Variants in HIF3A observed in about 807,000 individuals in gnomAD.
HIF3A encodes the protein hypoxia-inducible factor 3-alpha.
Under a neutral mutation model 67.2 loss-of-function variants are expected in HIF3A, and 41 were observed. That is an observed-to-expected ratio of 0.61 (90% CI 0.48 to 0.79). HIF3A has a LOEUF of 0.79. HIF3A is among the 30% of genes least tolerant of loss of function. The probability of loss-of-function intolerance (pLI) is 0.00; values close to 1 mark genes in which losing one functional copy is unlikely to be tolerated. For missense variants in HIF3A, 855 were observed against 898.0 expected, an observed-to-expected ratio of 0.95 and a Z score of 0.61; for synonymous variants, 356 against 374.8, an observed-to-expected ratio of 0.95 and a Z score of 0.58.
intron 6 of HIF3A, among the ~76,000 whole-genome samples, chr19:46,311,501 G>T (rs999832697): frequency 7.2e-5 from 11 of 152,158 alleles, no homozygotes; most frequent in African/African-American, 2.2e-4. Context: ...CTCCAGGAAA[G>T]AATCTGTTTC....
At chr19:46,337,254 T>G (rs1297042485) in intron 14 of HIF3A, among the ~76,000 whole-genome samples, 4 of 151,580 alleles carry the variant, frequency 2.6e-5, no homozygotes, top group Admixed American at 2.6e-4. Context: ...CTATCTTTTT[T>G]GGGGTGTGGG....
chr19:46,303,740 A>G, intron 1 of HIF3A, 158 bp from the exon 2 acceptor site: 1 of 1,531,744 alleles, frequency 6.5e-7, no homozygotes, highest in Non-Finnish European at 8.9e-7. Context: ...AGGCCCAGGG[A>G]GCGCCGCGAA....
chr19:46,331,382 T>C (rs1210322125), intron 13 of HIF3A, 109 bp downstream of exon 13: 3 of 829,966 alleles, frequency 3.6e-6, no homozygotes, highest in East Asian at 5.1e-5. Context: ...TTGAGGGTCA[T>C]ACAGAAAGTC....
intron 9 of HIF3A, among the ~76,000 whole-genome samples, chr19:46,321,183 T>A (rs1970331855): frequency 6.6e-6 from 1 of 152,138 alleles, no homozygotes; most frequent in South Asian, 2.1e-4. Context: ...GGCCAGTCTT[T>A]TCTCCTAAGG....
intron 6 of HIF3A, among the ~76,000 whole-genome samples, chr19:46,310,930 T>C (rs1019957143): frequency 3.9e-5 from 6 of 152,158 alleles, no homozygotes; most frequent in Admixed American, 3.3e-4. Context: ...TTTGTATTTT[T>C]AGTAGAGATG....
intron 6 of HIF3A, 140 bp downstream of exon 6, chr19:46,309,499 GTC>G (rs1394099803): frequency 1.3e-5 from 8 of 614,072 alleles, no homozygotes; most frequent in Non-Finnish European, 2.2e-5. Flanking sequence ...GTGCCTGCCT[GTC>G]TCTGAATTTT....
intron 10 of HIF3A, among the ~76,000 whole-genome samples, chr19:46,323,057 GT>G (rs1364341181): frequency 1.6e-4 from 23 of 142,524 alleles, no homozygotes; most frequent in East Asian, 8.3e-4. Context: ...TTTTTTTGTT[GT>G]TTTTTTTTTG....
In HIF3A at chr19:46,331,173, C is replaced by T; in HGVS notation, c.1730C>T (p.Ser577Leu). 1.2e-6 allele frequency: 2 copies of T among 1,613,450 alleles called. No homozygotes were observed. The highest frequency in any genetic ancestry group is 1.7e-6 in the Non-Finnish European group (2 of 1,179,554). The change falls in exon 13 of 15, where the codon TCA becomes TTA. Residue 577 changes from serine to leucine, a missense_variant. Physicochemically the swap from Ser to Leu is moderately radical, Grantham distance 145. This residue lies in a region of HIF3A where 199 missense variants were observed against 193.8 expected (regional missense o/e 1.03). Transcript: ENST00000377670. ...TCCTCCAGGACCCTGGCCCAGAGCT[C>T]AGAGGACGAGGACGAGGGAGTGGAG... The part of the protein sequence containing the change: ...GARKRTLAQS[S>L]EDEDEGVELL...
chr19:46,335,912 G>T (rs547815053), intron 14 of HIF3A, among the ~76,000 whole-genome samples: 1 of 151,180 alleles, frequency 6.6e-6, no homozygotes, highest in Non-Finnish European at 1.5e-5. Context: ...GTGGTGGCAC[G>T]CACCTGTTGT....
chr19:46,338,655 A>G (rs1300339023), intron 14 of HIF3A: 3 of 391,930 alleles, frequency 7.7e-6, no homozygotes, highest in Non-Finnish European at 7.2e-6. Context: ...ATTCCTCACA[A>G]CAGAGGAGTA....
chr19:46,329,597 G>A, intron 12 of HIF3A, 119 bp downstream of exon 12: 1 of 1,244,474 alleles, frequency 8.0e-7, no homozygotes. Flanking sequence ...CTCCAGCCAG[G>A]CCCTCGGTGG....
intron 1 of HIF3A, chr19:46,298,524 C>A: frequency 7.9e-7 from 1 of 1,267,170 alleles, no homozygotes; most frequent in Non-Finnish European, 1.0e-6. Context: ...GGTGAGTGGG[C>A]CCCCAACACC....
At chr19:46,316,763 A>G (rs1489627826) in intron 8 of HIF3A, among the ~76,000 whole-genome samples, 1 of 150,306 alleles carries the variant, frequency 6.7e-6, no homozygotes, top group African/African-American at 2.4e-5. Flanking sequence ...AGATCAGACC[A>G]CTGCACTCCA....
chr19:46,303,709 G>A (rs1242996722), intron 1 of HIF3A, 189 bp from the exon 2 acceptor site: 2 of 1,571,898 alleles, frequency 1.3e-6, no homozygotes, highest in East Asian at 4.6e-5. Context: ...GCTAGGAAGG[G>A]CTCCACAGTG....
chr19:46,338,211 G>T (rs1056433992), intron 14 of HIF3A: 15 of 453,926 alleles, frequency 3.3e-5, no homozygotes, highest in Admixed American at 2.1e-4. Context: ...TGGGTTTTTT[G>T]TTGTTTTTGA....
In HIF3A at chr19:46,322,022, G is replaced by T. The variant is rs938140062; in HGVS notation, c.1335+56G>T. 25 of 1,554,770 alleles carry T rather than the reference G, an allele frequency of 1.6e-5. No individual in the cohort carries two copies. The East Asian group carries it at 4.7e-4, about 30-fold the overall frequency. ...CATCCAGTGCTCAGTCCCTCAGGGG[G>T]TCTTGGCCTGTGACTTAAACCTGAC... On this transcript the variant is annotated intron_variant, in intron 10 of 14. Transcript: ENST00000377670.
chr19:46,335,585 A>C (rs181825751), intron 14 of HIF3A, among the ~76,000 whole-genome samples: 246 of 152,036 alleles, frequency 1.6e-3, no homozygotes, highest in African/African-American at 5.7e-3. Flanking sequence ...ATTTTTTTTT[A>C]ATTGGCTGGG....
Position 46,323,898 on chromosome 19 carries a change from C to T in HIF3A, c.1336-1637C>T, listed in dbSNP as rs559071588. On this transcript the variant is annotated intron_variant, in intron 10 of 14. Coordinates refer to ENST00000377670, the MANE Select transcript of HIF3A (RefSeq NM_152795.4). The stretch of plus-strand genomic sequence containing the variant: ...GAGACCACCCCCATGATTCAATTAT[C>T]GCTGACCAGGTCCCTCCCACAGTGT... 3.9e-5 allele frequency among the ~76,000 whole-genome samples: 6 copies of T among 152,262 alleles called. No individual in the cohort carries two copies. In the East Asian group the frequency reaches 7.7e-4, roughly 20 times the overall value.
intron 1 of HIF3A, among the ~76,000 whole-genome samples, chr19:46,302,541 T>C (rs1381935371): frequency 6.6e-6 from 1 of 152,192 alleles, no homozygotes; most frequent in Non-Finnish European, 1.5e-5. Flanking sequence ...TGATCCTCTG[T>C]CTCACCCTCC....
Sources: allele counts gnomAD v4.1 joint callset (sites outside exome capture counted in the v4.1 genomes callset), GRCh38; gene constraint gnomAD v4.1.1; regional missense constraint gnomAD v4.1.1; transcripts MANE v1.5; gene names NCBI Gene and HGNC (gene_info 2026-07-23, HGNC 2026-07-21).